Variants in TGFB2 observed in about 807,000 individuals in gnomAD.
TGFB2 encodes transforming growth factor beta 2, also known as transforming growth factor beta-2 proprotein.
In TGFB2, 13 loss-of-function variants were observed where a neutral mutation model predicts 42.7. The ratio of observed to expected loss-of-function variants is 0.30; its 90% CI spans 0.20 to 0.48. TGFB2 has a LOEUF of 0.48. Among genes scored for constraint, TGFB2 ranks in the 20% least tolerant of loss-of-function variants. The pLI is 0.99. For missense variants in TGFB2, 390 were observed against 517.5 expected (o/e 0.75, Z 2.39); for synonymous variants, 193 against 193.6 (o/e 1.00, Z 0.03).
intron 2 of TGFB2, among the ~76,000 whole-genome samples, chr1:218,407,476 C>A (rs1025443700): frequency 6.6e-6 from 1 of 152,068 alleles, no homozygotes; most frequent in African/African-American, 2.4e-5. Flanking sequence ...ACTTTTAAAT[C>A]CTAACTGGCA....
At chr1:218,347,242 A>T (rs978865411) in intron 1 of TGFB2, among the ~76,000 whole-genome samples, 195 bp downstream of exon 1, 2 of 151,978 alleles carry the variant, frequency 1.3e-5, no homozygotes, top group African/African-American at 4.8e-5. Context: ...TTTACTTTCT[A>T]CTTTATTTTC....
intron 1 of TGFB2, among the ~76,000 whole-genome samples, chr1:218,394,877 G>A (rs1376602878): frequency 1.3e-5 from 2 of 152,110 alleles, no homozygotes; most frequent in African/African-American, 4.8e-5. Context: ...TTTCTTGCTG[G>A]CTGTGTCTGT....
intron 4 of TGFB2, among the ~76,000 whole-genome samples, chr1:218,435,732 G>T (rs886232719): frequency 6.6e-6 from 1 of 152,142 alleles, no homozygotes; most frequent in Non-Finnish European, 1.5e-5. Flanking sequence ...AACAGCCCTG[G>T]CTTTGACACC....
At chr1:218,422,505 G>T (rs1476955927) in intron 2 of TGFB2, among the ~76,000 whole-genome samples, 1 of 152,124 alleles carries the variant, frequency 6.6e-6, no homozygotes, top group Non-Finnish European at 1.5e-5. Flanking sequence ...ACAGGCGTGA[G>T]GCACCACGCC....
intron 1 of TGFB2, among the ~76,000 whole-genome samples, chr1:218,387,829 A>T (rs1165711607): frequency 6.6e-6 from 1 of 151,996 alleles, no homozygotes; most frequent in Non-Finnish European, 1.5e-5. Context: ...AGGATTGATG[A>T]CTCTATGTTG....
intron 1 of TGFB2, among the ~76,000 whole-genome samples, chr1:218,370,255 C>T (rs1356335173): frequency 3.3e-5 from 5 of 152,080 alleles, no homozygotes; most frequent in African/African-American, 1.2e-4. Flanking sequence ...GAAAGATGGC[C>T]TTTGAGATTG....
At chr1:218,353,756 G>A (rs1441037537) in intron 1 of TGFB2, among the ~76,000 whole-genome samples, 4 of 152,110 alleles carry the variant, frequency 2.6e-5, no homozygotes, top group Admixed American at 2.6e-4. Flanking sequence ...TGGGCCTGGT[G>A]GTATGTGCCT....
chr1:218,417,153 A>C (rs998401696), intron 2 of TGFB2, among the ~76,000 whole-genome samples: 11 of 152,224 alleles, frequency 7.2e-5, no homozygotes, highest in African/African-American at 2.7e-4. Context: ...GAGGGCTCAG[A>C]AGAAGTCAGG....
rs563485973 is a variant in TGFB2 at position 218,368,237 on chromosome 1, C to A, written c.346+21190C>A. Among the ~76,000 whole-genome samples the A allele has an allele frequency of 2.6e-5, 4 of 152,208 alleles. No homozygotes were observed. The South Asian group carries it at 8.3e-4, about 32-fold the overall frequency. On this transcript the variant is annotated intron_variant, in intron 1 of 6. Transcript: ENST00000366930. ...TCGGCTCACTGCGACCTCCACCACCCGGGTTCAAGCAATTCTCCTGCCTGA... is the reference window on the plus strand; with the variant it reads ...TCGGCTCACTGCGACCTCCACCACCAGGGTTCAAGCAATTCTCCTGCCTGA...
At position 218,434,028 on chromosome 1, in the gene TGFB2, T is replaced by A. The variant is rs113442202; in HGVS notation, c.511-54T>A. 116 of 1,605,698 alleles carry A rather than the reference T, an allele frequency of 7.2e-5. 1 individual carries two copies. The highest frequency in any genetic ancestry group is 6.7e-4 in the Middle Eastern group (4 of 6,004). On this transcript the variant is annotated intron_variant, in intron 2 of 6. Coordinates refer to ENST00000366930, the MANE Select transcript of TGFB2 (RefSeq NM_003238.6). The stretch of plus-strand genomic sequence containing the variant: ...AACACTGTTAATAGTTTTGGTTTAG[T>A]CATGCTGTCAGAATGCCAACTCAGC...
chr1:218,429,093 G>A (rs1659722759), intron 2 of TGFB2, among the ~76,000 whole-genome samples: 1 of 146,628 alleles, frequency 6.8e-6, no homozygotes, highest in Admixed American at 7.2e-5. Flanking sequence ...CAATTTTCCT[G>A]CCTCAGTCTC....
chr1:218,441,108 C>A, intron 6 of TGFB2, 96 bp from the exon 7 acceptor site: 1 of 1,214,710 alleles, frequency 8.2e-7, no homozygotes, highest in Non-Finnish European at 1.2e-6. Flanking sequence ...CTACTCAGTG[C>A]TGTGACTGCT....
chr1:218,432,820 G>A (rs950442345), intron 2 of TGFB2, among the ~76,000 whole-genome samples: 24 of 152,112 alleles, frequency 1.6e-4, no homozygotes, highest in African/African-American at 5.8e-4. Flanking sequence ...CAAAAATCCG[G>A]AAGAGTAGTA....
At position 218,345,784 on chromosome 1, in the gene TGFB2, T is replaced by C. The variant is rs978931320; in HGVS notation, c.-918T>C. The C allele has an allele frequency of 6.6e-6, 1 of 152,244 alleles. No individual in the cohort carries two copies. The highest frequency in any genetic ancestry group is 6.6e-5 in the Admixed American group (1 of 15,238). 9.4% of individuals were successfully genotyped at this position (152,244 alleles called of 1,614,324 possible). The stretch of plus-strand genomic sequence containing the variant: ...CGACGGCTGATCGTCTGTGGCTGGG[T>C]TGGCGTTTGGAGCAAGAGAAGGAGG... On this transcript the variant is annotated 5_prime_UTR_variant, in exon 1 of 7. Transcript: ENST00000366930.
intron 1 of TGFB2, among the ~76,000 whole-genome samples, chr1:218,399,539 T>A (rs1033065435): frequency 6.6e-6 from 1 of 152,224 alleles, no homozygotes. Context: ...AAAGGTGAAA[T>A]TGCTTGATGC....
intron 2 of TGFB2, among the ~76,000 whole-genome samples, chr1:218,420,510 C>A (rs2102611649): frequency 6.6e-6 from 1 of 152,122 alleles, no homozygotes; most frequent in African/African-American, 2.4e-5. Context: ...TGTTTATGCA[C>A]ATGTGCATTC....
At chr1:218,361,302 A>G (rs1657202387) in intron 1 of TGFB2, among the ~76,000 whole-genome samples, 1 of 152,240 alleles carries the variant, frequency 6.6e-6, no homozygotes, top group African/African-American at 2.4e-5. Context: ...CTTAAAAACA[A>G]AAAAGAAAGA....
chr1:218,387,119 A>C (rs1658162770), intron 1 of TGFB2, among the ~76,000 whole-genome samples: 1 of 152,140 alleles, frequency 6.6e-6, no homozygotes, highest in Non-Finnish European at 1.5e-5. Flanking sequence ...GAATTTGCCA[A>C]ATGTAAAGGT....
intron 1 of TGFB2, among the ~76,000 whole-genome samples, chr1:218,394,881 T>C (rs1460546116): frequency 6.6e-6 from 1 of 152,198 alleles, no homozygotes; most frequent in African/African-American, 2.4e-5. Flanking sequence ...TTGCTGGCTG[T>C]GTCTGTGCAC....
Sources: gnomAD v4.1 joint callset for allele counts (sites outside exome capture counted in the v4.1 genomes callset) on GRCh38, gnomAD v4.1.1 for gene constraint, MANE v1.5 for transcripts, NCBI Gene and HGNC (gene_info 2026-07-23, HGNC 2026-07-21) for gene names.